IGSF21: variants seen among roughly 807,000 people sequenced by gnomAD.
IGSF21 encodes the protein immunoglobulin superfamily member 21.
In IGSF21, 28 loss-of-function variants were observed where a neutral mutation model predicts 46.8. That is an observed-to-expected ratio of 0.60 (90% CI 0.44 to 0.82). The LOEUF (loss-of-function observed/expected upper bound fraction) is 0.82, where lower values mean the gene tolerates loss of function less well. Among genes scored for constraint, IGSF21 ranks in the 40% least tolerant of loss-of-function variants. The probability of loss-of-function intolerance (pLI) is 0.00; values close to 1 mark genes in which losing one functional copy is unlikely to be tolerated. For synonymous variants in IGSF21, 284 were observed against 273.6 expected (o/e 1.04, Z -0.38); for missense variants, 624 against 665.5 (o/e 0.94, Z 0.69).
intron 2 of IGSF21, among the ~76,000 whole-genome samples, chr1:18,229,848 C>T (rs2084605720): frequency 6.6e-6 from 1 of 152,240 alleles, no homozygotes; most frequent in Admixed American, 6.5e-5. Flanking sequence ...GATAAATTAA[C>T]TCCAGCTCAC....
At chr1:18,300,959 C>T (rs1169789734) in intron 3 of IGSF21, among the ~76,000 whole-genome samples, 1 of 152,202 alleles carries the variant, frequency 6.6e-6, no homozygotes, top group Admixed American at 6.5e-5. Context: ...CCTCCATGCT[C>T]AGCCCAGCTC....
chr1:18,287,673 C>G (rs2085228413), intron 2 of IGSF21, among the ~76,000 whole-genome samples: 1 of 152,160 alleles, frequency 6.6e-6, no homozygotes, highest in African/African-American at 2.4e-5. Context: ...ACCATGGGAG[C>G]CTCTCAGAGC....
chr1:18,243,018 C>T (rs186435896), intron 2 of IGSF21, among the ~76,000 whole-genome samples: 48 of 152,238 alleles, frequency 3.2e-4, no homozygotes, highest in African/African-American at 9.2e-4. Context: ...TCCCATCAGG[C>T]GCTCAGTGAA....
intron 9 of IGSF21, among the ~76,000 whole-genome samples, chr1:18,377,719 G>C (rs1235255589): frequency 6.6e-6 from 1 of 152,212 alleles, no homozygotes; most frequent in Non-Finnish European, 1.5e-5. Context: ...CTCAGAGCTT[G>C]ATCTCACTGC....
At chr1:18,350,668 C>T (rs974701905) in intron 4 of IGSF21, among the ~76,000 whole-genome samples, 6 of 152,090 alleles carry the variant, frequency 3.9e-5, no homozygotes, top group East Asian at 1.9e-4. Context: ...AAAAAAAATA[C>T]CCCTCCCACA....
At chr1:18,283,382 G>A (rs1018876975) in intron 2 of IGSF21, among the ~76,000 whole-genome samples, 1 of 152,106 alleles carries the variant, frequency 6.6e-6, no homozygotes, top group African/African-American at 2.4e-5. Context: ...TCTTGTCTTT[G>A]GGCATCTGGT....
intron 1 of IGSF21, among the ~76,000 whole-genome samples, chr1:18,164,575 T>C (rs995427854): frequency 3.3e-5 from 5 of 152,150 alleles, no homozygotes; most frequent in African/African-American, 1.2e-4. Flanking sequence ...ACACACACCT[T>C]AGGAAATGTT....
chr1:18,214,926 G>C (rs577391930), intron 1 of IGSF21, among the ~76,000 whole-genome samples: 40 of 152,298 alleles, frequency 2.6e-4, no homozygotes, highest in Non-Finnish European at 5.0e-4. Context: ...ATTTTTAGTA[G>C]AGACGGGGTT....
intron 1 of IGSF21, among the ~76,000 whole-genome samples, chr1:18,141,853 G>A (rs983946145): frequency 1.8e-4 from 28 of 152,122 alleles, no homozygotes; most frequent in Non-Finnish European, 5.9e-5. Context: ...CCGATTGCTT[G>A]AGGCCAAGAC....
intron 1 of IGSF21, among the ~76,000 whole-genome samples, chr1:18,141,203 A>G (rs541015342): frequency 6.3e-4 from 96 of 152,292 alleles, no homozygotes; most frequent in African/African-American, 2.1e-3. Flanking sequence ...TCAAGGTCTC[A>G]TCTAGTCGGG....
intron 3 of IGSF21, among the ~76,000 whole-genome samples, chr1:18,326,937 G>A (rs1262558483): frequency 1.3e-5 from 2 of 152,198 alleles, no homozygotes; most frequent in Non-Finnish European, 2.9e-5. Flanking sequence ...GACAAAAATG[G>A]AGAGGTTCTG....
intron 1 of IGSF21, among the ~76,000 whole-genome samples, chr1:18,166,208 T>TA (rs375295877): frequency 2.0e-5 from 3 of 152,276 alleles, no homozygotes; most frequent in African/African-American, 4.8e-5. Flanking sequence ...AGCTTGCTTT[T>TA]AAAAAAAATT....
At chr1:18,212,672 C>T (rs528373644) in intron 1 of IGSF21, among the ~76,000 whole-genome samples, 1 of 152,216 alleles carries the variant, frequency 6.6e-6, no homozygotes, top group South Asian at 2.1e-4. Flanking sequence ...ACCAGCCCAA[C>T]CCAGGGGGGG....
intron 4 of IGSF21, among the ~76,000 whole-genome samples, chr1:18,341,439 G>A (rs931215041): frequency 5.3e-5 from 8 of 152,170 alleles, no homozygotes; most frequent in African/African-American, 1.9e-4. Flanking sequence ...TCAACCCACA[G>A]CAGTAACTGA....
At chr1:18,252,009 C>A (rs1055472212) in intron 2 of IGSF21, among the ~76,000 whole-genome samples, 1 of 146,908 alleles carries the variant, frequency 6.8e-6, no homozygotes, top group Non-Finnish European at 1.5e-5. Flanking sequence ...TCTGATTTCA[C>A]AAGGTCAATA....
At chr1:18,247,377 G>T (rs1469454990) in intron 2 of IGSF21, among the ~76,000 whole-genome samples, 1 of 152,136 alleles carries the variant, frequency 6.6e-6, no homozygotes, top group South Asian at 2.1e-4. Flanking sequence ...CCTGGGACCT[G>T]CTGCCAGCCT....
intron 2 of IGSF21, among the ~76,000 whole-genome samples, chr1:18,275,307 C>T (rs983797355): frequency 6.6e-6 from 1 of 152,142 alleles, no homozygotes; most frequent in African/African-American, 2.4e-5. Flanking sequence ...GGCTTGGCGT[C>T]TCCAATCCCC....
chr1:18,342,756 G>A (rs939655979), intron 4 of IGSF21, among the ~76,000 whole-genome samples: 1 of 152,184 alleles, frequency 6.6e-6, no homozygotes, highest in African/African-American at 2.4e-5. Flanking sequence ...ATTGTAGCAG[G>A]TACCAGTACT....
chr1:18,334,606 A>G lies in IGSF21; in HGVS notation c.306-286A>G, dbSNP rs532673985. ...TCACGGCTCCCTGGAAGTGGGCACC[A>G]TCCCAGGCTCATGGAAGCCAACAGG... On this transcript the variant is annotated intron_variant, in intron 3 of 9. Transcript: ENST00000251296. This position sits in a 1 kb window ranked among gnomAD's most constrained non-coding sequence, Gnocchi z 4.3. 6.6e-5 allele frequency among the ~76,000 whole-genome samples: 10 copies of G among 152,344 alleles called. No individual in the cohort carries two copies. The highest frequency in any genetic ancestry group is 5.9e-4 in the Admixed American group (9 of 15,304).
Sources: gnomAD v4.1 joint callset for allele counts (sites outside exome capture counted in the v4.1 genomes callset) on GRCh38, gnomAD v4.1.1 for gene constraint, Gnocchi (gnomAD v3.1) non-coding constraint, MANE v1.5 for transcripts, NCBI Gene and HGNC (gene_info 2026-07-23, HGNC 2026-07-21) for gene names.